Variants in TRERF1 observed in about 807,000 individuals in gnomAD.
TRERF1 encodes transcriptional regulating factor 1.
TRERF1 carries 27 observed loss-of-function variants against 122.9 expected under a neutral mutation model. The observed-to-expected ratio is 0.22, with a 90% CI of 0.16 to 0.30. The LOEUF (loss-of-function observed/expected upper bound fraction) is 0.30. Ranked by LOEUF, TRERF1 falls within the 10% of genes least tolerant of loss-of-function variation. The pLI is 1.00. For missense variants in TRERF1, 1,248 were observed against 1,560.3 expected, an observed-to-expected ratio of 0.80 and a Z score of 3.37; for synonymous variants, 636 against 641.7, an observed-to-expected ratio of 0.99 and a Z score of 0.13.
chr6:42,356,198 G>A (rs1206038329), intron 3 of TRERF1, among the ~76,000 whole-genome samples: 3 of 152,226 alleles, frequency 2.0e-5, no homozygotes, highest in African/African-American at 7.2e-5. Flanking sequence ...CCCTGGACCA[G>A]TGACCCTATA....
Position 42,243,367 on chromosome 6 carries a change from G to C in TRERF1, c.2746-6C>G. The C allele has an allele frequency of 6.2e-7, 1 of 1,606,932 alleles. No individual in the cohort carries two copies. On this transcript the variant is annotated splice_region_variant and splice_polypyrimidine_tract_variant and intron_variant, in intron 14 of 17. Transcript: ENST00000372922. ...GCCACCGTCTTGGACTTCACCTGCC[G>C]GGAAAGCGAACTCAAGGTTAGCTCC... is the stretch of plus-strand genomic sequence containing the variant.
chr6:42,245,770 C>T (rs1774675318), intron 14 of TRERF1, among the ~76,000 whole-genome samples: 1 of 152,178 alleles, frequency 6.6e-6, no homozygotes, highest in Admixed American at 6.5e-5. Flanking sequence ...TCTCCTCTCC[C>T]CAGAAAGTTC....
intron 3 of TRERF1, among the ~76,000 whole-genome samples, chr6:42,361,650 G>A (rs1441078609): frequency 6.6e-6 from 1 of 152,156 alleles, no homozygotes; most frequent in African/African-American, 2.4e-5. Flanking sequence ...ACAATGCAAA[G>A]TTTCACTCAA....
intron 2 of TRERF1, among the ~76,000 whole-genome samples, chr6:42,421,903 C>A (rs1038365452): frequency 6.6e-6 from 1 of 152,150 alleles, no homozygotes; most frequent in African/African-American, 2.4e-5. Context: ...TGTGGTGGCT[C>A]ACGCCTGTAA....
rs140915460 is a variant in TRERF1 at position 42,271,878 on chromosome 6, A to G, written c.-258-2030T>C. Among the ~76,000 whole-genome samples, 651 of 152,354 alleles carry G rather than the reference A, an allele frequency of 4.3e-3. 5 individuals are homozygous for G. The highest frequency in any genetic ancestry group is 0.015 in the African/African-American group (621 of 41,584). The stretch of plus-strand genomic sequence containing the variant: ...AAAGTTCCAAGCATAAAAATATATT[A>G]CACATATCACATTAGGATAAAATTC... On this transcript the variant is annotated intron_variant, in intron 4 of 17. Coordinates refer to ENST00000372922, the Ensembl canonical transcript of TRERF1.
Position 42,269,863 on chromosome 6 carries a change from G to A in TRERF1, c.-258-15C>T, listed in dbSNP as rs1779895851. The A allele has an allele frequency of 1.6e-5, 10 of 614,664 alleles. No homozygotes were observed. The highest frequency in any genetic ancestry group is 2.5e-5 in the Non-Finnish European group (10 of 406,326). 38.1% of individuals were successfully genotyped at this position (614,664 alleles called of 1,614,324 possible). On this transcript the variant is annotated splice_polypyrimidine_tract_variant and intron_variant, in intron 4 of 17. Transcript: ENST00000372922. The surrounding 1 kb of genome is among the most constrained non-coding windows in gnomAD (Gnocchi z 4.9). ...GTCGCTCACACCTGCAAGGCAAGAT[G>A]CAAAAGACAGGAAAGGATTTATTTG...
At chr6:42,414,842 T>C (rs537911475) in intron 2 of TRERF1, among the ~76,000 whole-genome samples, 16 of 152,356 alleles carry the variant, frequency 1.1e-4, no homozygotes, top group Non-Finnish European at 1.9e-4. Context: ...ATTTACATTG[T>C]TGTCTTCAAT....
chr6:42,367,417 G>A (rs549674885), intron 2 of TRERF1, among the ~76,000 whole-genome samples: 10 of 152,282 alleles, frequency 6.6e-5, no homozygotes, highest in African/African-American at 2.2e-4. Flanking sequence ...ACAAAGCTCC[G>A]AGCCTCTGAT....
In TRERF1 at chr6:42,312,715, T is replaced by C. The variant is rs78829271; in HGVS notation, c.-370-11966A>G. On this transcript the variant is annotated intron_variant, in intron 3 of 17. Transcript: ENST00000372922. ...CATCCAGGTAATTTGGCTTTACCCA[T>C]GGAAAGGGGCTTCCCTTTCATTAAT... Among the ~76,000 whole-genome samples the C allele has an allele frequency of 7.8e-3, 1,189 of 152,320 alleles. 16 individuals carry two copies. Among genetic ancestry groups the C allele is most frequent in the African/African-American group, 0.028 (1,147 of 41,562 alleles).
chr6:42,246,623 C>T, intron 13 of TRERF1, 79 bp from the exon 14 acceptor site: 4 of 984,346 alleles, frequency 4.1e-6, no homozygotes, highest in Non-Finnish European at 6.2e-6. Flanking sequence ...AGTTAAGTTA[C>T]AAAATACAAC....
intron 3 of TRERF1, among the ~76,000 whole-genome samples, chr6:42,334,082 A>T: frequency 6.6e-6 from 1 of 151,886 alleles, no homozygotes; most frequent in East Asian, 1.9e-4. Context: ...CATACACATG[A>T]ATATATATAT....
chr6:42,225,509 C>T (rs1173943614), exon 18 of TRERF1: 1 of 151,750 alleles, frequency 6.6e-6, no homozygotes, highest in East Asian at 1.9e-4. Context: ...ATATGCTATA[C>T]ATAGTGCTTT....
At chr6:42,353,863 T>A (rs1769979600) in intron 3 of TRERF1, among the ~76,000 whole-genome samples, 2 of 152,198 alleles carry the variant, frequency 1.3e-5, no homozygotes, top group African/African-American at 4.8e-5. Flanking sequence ...TATAAATGCA[T>A]AAGAAAAGAT....
intron 3 of TRERF1, among the ~76,000 whole-genome samples, chr6:42,334,133 T>C (rs1356077094): frequency 6.6e-6 from 1 of 151,916 alleles, no homozygotes; most frequent in Non-Finnish European, 1.5e-5. Context: ...TAAGCCACCC[T>C]CATGGGACAA....
chr6:42,440,525 C>T (rs1444971009), intron 2 of TRERF1, among the ~76,000 whole-genome samples: 1 of 152,134 alleles, frequency 6.6e-6, no homozygotes, highest in Non-Finnish European at 1.5e-5. Context: ...CTATAAATAG[C>T]AGTTACTACT....
intron 3 of TRERF1, among the ~76,000 whole-genome samples, chr6:42,338,712 C>T (rs1000067724): frequency 1.3e-5 from 2 of 152,126 alleles, no homozygotes; most frequent in Non-Finnish European, 2.9e-5. Context: ...GCCTGCCATC[C>T]TGCATCCAGA....
At chr6:42,376,959 G>A (rs759083345) in intron 2 of TRERF1, among the ~76,000 whole-genome samples, 9 of 151,690 alleles carry the variant, frequency 5.9e-5, no homozygotes, top group Admixed American at 2.6e-4. Context: ...TCTGCCTCCC[G>A]GGTTCAAGCG....
chr6:42,306,071 G>A (rs1286507385), intron 3 of TRERF1, among the ~76,000 whole-genome samples: 7 of 137,654 alleles, frequency 5.1e-5, no homozygotes, highest in Non-Finnish European at 9.1e-5. Context: ...GCGCGATCTC[G>A]GCTCACTGCA....
chr6:42,233,500 T>G (rs930518396), intron 16 of TRERF1, among the ~76,000 whole-genome samples: 11 of 152,096 alleles, frequency 7.2e-5, no homozygotes, highest in Non-Finnish European at 1.5e-4. Flanking sequence ...TTAGCCAGGA[T>G]GGTCTCGATC....
Sources: allele counts gnomAD v4.1 joint callset (sites outside exome capture counted in the v4.1 genomes callset), GRCh38; gene constraint gnomAD v4.1.1; non-coding constraint Gnocchi (gnomAD v3.1); transcripts MANE v1.5; gene names NCBI Gene and HGNC (gene_info 2026-07-23, HGNC 2026-07-21).